The following PHF10 variants were observed in gnomAD, a reference collection of about 807,000 sequenced individuals.
PHF10 encodes BRG1-associated factor 45a.
In PHF10, 51 loss-of-function variants were observed where a neutral mutation model predicts 68.5. The ratio of observed to expected loss-of-function variants is 0.74; its 90% CI spans 0.59 to 0.94. The LOEUF is 0.94. PHF10 is among the 40% of genes least tolerant of loss of function. PHF10 has a pLI of 0.00. For missense variants in PHF10, 460 were observed against 602.6 expected (o/e 0.76, Z 2.48); for synonymous variants, 204 against 203.5 (o/e 1.00, Z -0.02).
intron 9 of PHF10, chr6:169,709,015 C>G (rs1788869237): frequency 6.6e-6 from 1 of 151,900 alleles, no homozygotes; most frequent in Non-Finnish European, 1.5e-5. Context: ...CTATTGCAGC[C>G]ACCCTTGGAA....
At chr6:169,713,492 C>T (rs1047632237) in intron 7 of PHF10, among the ~76,000 whole-genome samples, 6 of 150,892 alleles carry the variant, frequency 4.0e-5, no homozygotes, top group African/African-American at 7.3e-5. Flanking sequence ...CCCAGCTACT[C>T]GGGAAGCTGA....
rs200996542 is a variant in PHF10 at position 169,718,934 on chromosome 6, CA to C, written c.195-17del. ...GTAACTAAAACTAAGTACAGAAATACATATTATGCATTAAATGTAGCTTTCA... is the reference window on the plus strand; with the variant it reads ...GTAACTAAAACTAAGTACAGAAATACTATTATGCATTAAATGTAGCTTTCA... On this transcript the variant is annotated splice_polypyrimidine_tract_variant and intron_variant, in intron 2 of 11. Transcript: ENST00000339209. 15,687 of 1,486,808 alleles carry C rather than the reference CA, an allele frequency of 0.011. 208 individuals carry two copies. Among genetic ancestry groups the C allele is most frequent in the South Asian group, 0.047 (4,005 of 85,746 alleles). The allele number at this position is 1,486,808 out of a possible 1,614,324, so 92.1% of individuals were successfully genotyped here.
rs1326244508 is a variant in PHF10 at position 169,712,497 on chromosome 6, G to T, written c.846C>A (p.Ala282=). ...DELRYLPLNT[A]LYEPPLDPEL... is the part of the protein sequence containing the mutation. The stretch of plus-strand genomic sequence containing the variant: ...CAGGATCCAGAGGGGGCTCATACAG[G>T]GCTGTGTTTAATGGCAGATACCGCA... Residue 282 remains alanine (A), a synonymous_variant, in exon 8 of 12, where the codon GCC becomes GCA. Coordinates refer to ENST00000339209, the MANE Select transcript of PHF10 (RefSeq NM_018288.4). The T allele has an allele frequency of 6.2e-7, 1 of 1,613,628 alleles. No homozygotes were observed. Among genetic ancestry groups the T allele is most frequent in the Non-Finnish European group, 8.5e-7 (1 of 1,179,712 alleles).
At chr6:169,705,375 T>C in intron 10 of PHF10, 54 bp from the exon 11 acceptor site, 1 of 1,264,830 alleles carries the variant, frequency 7.9e-7, no homozygotes, top group Non-Finnish European at 1.1e-6. Flanking sequence ...TAACTTAATA[T>C]GGCACATAAA....
rs1276505370 is a variant in PHF10, at chr6:169,723,884, G to T, written c.48C>A (p.Cys16Ter). The T allele has an allele frequency of 9.2e-7, 1 of 1,091,336 alleles. No homozygotes were observed. The allele number at this position is 1,091,336 out of a possible 1,614,324, so 67.6% of individuals were successfully genotyped here. A position where few individuals can be genotyped will look rare whatever the true frequency, so the allele number is the denominator to read the frequency against. ...CTCCGGGGGTGGCTGGGTCGCTGTC[G>T]CACGGCCGCGGGGACAGCGCAGCCC... ...GPGAALSPRP[C>*]DSDPATPGAQ... Residue 16 changes from cysteine (C) to a stop codon, truncating the protein, a stop_gained, in exon 1 of 12, where the codon TGC becomes TGA. Coordinates refer to ENST00000339209, the MANE Select transcript of PHF10 (RefSeq NM_018288.4). LOFTEE classifies it high-confidence loss of function.
Position 169,714,751 on chromosome 6 carries a change from A to T in PHF10, c.785T>A (p.Phe262Tyr). 1 of 1,558,104 alleles carries T rather than the reference A, an allele frequency of 6.4e-7. No individual in the cohort carries two copies. The highest frequency in any genetic ancestry group is 8.9e-7 in the Non-Finnish European group (1 of 1,128,932). The change falls in exon 7 of 12, where the codon TTC becomes TAC. Residue 262 changes from phenylalanine to tyrosine, a missense_variant. Physicochemically the swap from Phe to Tyr is conservative, Grantham distance 22. Transcript: ENST00000339209. Reference sequence around the variant, plus strand: ...TAAATACCTCTTATAATATTCCTGGAACTGTCCGGGGATGAGAGCCACTGG... The same window carrying T: ...TAAATACCTCTTATAATATTCCTGGTACTGTCCGGGGATGAGAGCCACTGG... ...SYPVALIPGQ[F>Y]QEYYKRYSPD...
At position 169,715,636 on chromosome 6, in the gene PHF10, G is replaced by A. The variant is rs930798031; in HGVS notation, c.693+72C>T. ...AGGTGGTACAAAAAATAACGATAAA[G>A]GGGGTGATGGGCACTCTGCAATAAC... On this transcript the variant is annotated intron_variant, in intron 6 of 11. Transcript: ENST00000339209. 1.8e-5 allele frequency: 22 copies of A among 1,218,938 alleles called. No homozygotes were observed. In the African/African-American group the frequency reaches 3.3e-4, roughly 18 times the overall value. 75.5% of individuals were successfully genotyped at this position (1,218,938 alleles called of 1,614,324 possible).
intron 9 of PHF10, among the ~76,000 whole-genome samples, chr6:169,706,666 A>G (rs938053792): frequency 6.6e-6 from 1 of 151,778 alleles, no homozygotes; most frequent in Non-Finnish European, 1.5e-5. Flanking sequence ...AACAGTGGTA[A>G]AAAAGGAAGA....
At chr6:169,714,544 C>T (rs1336816784) in intron 7 of PHF10, among the ~76,000 whole-genome samples, 189 bp downstream of exon 7, 1 of 152,144 alleles carries the variant, frequency 6.6e-6, no homozygotes, top group Admixed American at 6.5e-5. Flanking sequence ...TAGACTTCAC[C>T]AGCATATATT....
intron 6 of PHF10, among the ~76,000 whole-genome samples, chr6:169,715,313 G>T (rs1466526773): frequency 2.0e-5 from 3 of 152,144 alleles, no homozygotes; most frequent in Non-Finnish European, 4.4e-5. Flanking sequence ...GTATTATTAA[G>T]CACACCATTA....
At chr6:169,707,220 CA>C (rs1390422232) in intron 9 of PHF10, 3 of 152,182 alleles carry the variant, frequency 2.0e-5, no homozygotes, top group African/African-American at 7.2e-5. Context: ...CTCCCCCCAA[CA>C]AAAGGATAGT....
rs1283024935 is a variant in PHF10, at chr6:169,720,916, C to T, written c.194+89G>A. 9 of 666,826 alleles carry T rather than the reference C, an allele frequency of 1.3e-5. No individual in the cohort carries two copies. The East Asian group carries it at 1.9e-4, about 14-fold the overall frequency. 41.3% of individuals were successfully genotyped at this position (666,826 alleles called of 1,614,324 possible). A position where few individuals can be genotyped will look rare whatever the true frequency, so the allele number is the denominator to read the frequency against. ...AATATTCTACAATTTTTAATAATTG[C>T]CTTTGCCAGAGCTGGGGGAAAGGGA... On this transcript the variant is annotated intron_variant, in intron 2 of 11. Transcript: ENST00000339209.
chr6:169,705,883 A>G (rs1214450932), intron 9 of PHF10, among the ~76,000 whole-genome samples, 159 bp from the exon 10 acceptor site: 2 of 152,212 alleles, frequency 1.3e-5, no homozygotes, highest in African/African-American at 4.8e-5. Context: ...CTACAATGTA[A>G]GACTGCCTAC....
chr6:169,717,748 G>T, intron 4 of PHF10, 75 bp downstream of exon 4: 2 of 625,056 alleles, frequency 3.2e-6, no homozygotes, highest in Non-Finnish European at 5.7e-6. Flanking sequence ...AAATATTTTA[G>T]GAAATAAGAT....
intron 8 of PHF10, among the ~76,000 whole-genome samples, chr6:169,711,053 A>G (rs1397540717): frequency 6.6e-6 from 1 of 152,210 alleles, no homozygotes; most frequent in Non-Finnish European, 1.5e-5. Context: ...AAATTAAAAA[A>G]TTAGGTTATC....
chr6:169,704,036 C>A lies in PHF10; in HGVS notation c.1464G>T (p.Val488=). Reference sequence around the variant, plus strand: ...CTTTGCTGTTTTTCCCCCTTCTGCCCACTTTCCTGGGTGTTGGGGGGGCCC... The same window carrying A: ...CTTTGCTGTTTTTCCCCCTTCTGCCAACTTTCCTGGGTGTTGGGGGGGCCC... The part of the protein sequence containing the change: ...CQRAPPTPRK[V]GRRGKNSKEG The change falls in exon 12 of 12, where the codon GTG becomes GTT. Residue 488 remains valine, a synonymous_variant. Transcript: ENST00000339209. 6.2e-7 allele frequency: 1 copy of A among 1,600,082 alleles called. No individual in the cohort carries two copies. The highest frequency in any genetic ancestry group is 8.5e-7 in the Non-Finnish European group (1 of 1,175,738).
Position 169,724,380 on chromosome 6 carries a change from C to CTCGCT in PHF10, c.-450_-449insAGCGA, listed in dbSNP as rs1336569236. 9.8e-4 allele frequency among the ~76,000 whole-genome samples: 76 copies of CTCGCT among 77,162 alleles called. No individual in the cohort carries two copies. The East Asian group carries it at 0.021, about 22-fold the overall frequency. The allele number at this position is 77,162 out of a possible 152,430, so 50.6% of individuals were successfully genotyped here. A position where few individuals can be genotyped will look rare whatever the true frequency, so the allele number is the denominator to read the frequency against. ...CCGCTCGCTCGCCTCAGCCCCGCGG[C>CTCGCT]CGCCTCAGCCCCGCCGCTCGCCTCA... On this transcript the variant is annotated 5_prime_UTR_variant, in exon 1 of 12. Coordinates refer to ENST00000339209, the MANE Select transcript of PHF10 (RefSeq NM_018288.4).
intron 7 of PHF10, among the ~76,000 whole-genome samples, chr6:169,712,849 A>G (rs1022830614): frequency 4.6e-5 from 7 of 152,136 alleles, no homozygotes; most frequent in African/African-American, 1.7e-4. Context: ...GCCAGCTCAC[A>G]TCCACCTCGA....
chr6:169,710,265 C>A lies in PHF10; in HGVS notation c.1084G>T (p.Val362Leu). The change falls in exon 9 of 12, where the codon GTA becomes TTA. Residue 362 changes from valine (V) to leucine (L), a missense_variant. Around this residue, in one of 3 missense-constraint regions of PHF10, gnomAD observed 256 missense variants for 410.5 expected, o/e 0.62. Transcript: ENST00000339209. Reference sequence around the variant, plus strand: ...TACCCAGGAACTGACTTGGACAGTACAGAACGTTTGGGACCATCTTTTCTT... The same window carrying A: ...TACCCAGGAACTGACTTGGACAGTAAAGAACGTTTGGGACCATCTTTTCTT... Reference protein sequence around the residue: ...TPRKDGPKRSVLSKSVPGYKP... With the variant: ...TPRKDGPKRSLLSKSVPGYKP... 1 of 1,612,594 alleles carries A rather than the reference C, an allele frequency of 6.2e-7. No homozygotes were observed. Among genetic ancestry groups the A allele is most frequent in the Non-Finnish European group, 8.5e-7 (1 of 1,179,578 alleles).
Sources: allele counts gnomAD v4.1 joint callset (sites outside exome capture counted in the v4.1 genomes callset), GRCh38; gene constraint gnomAD v4.1.1; regional missense constraint gnomAD v4.1.1; transcripts MANE v1.5; gene names NCBI Gene and HGNC (gene_info 2026-07-23, HGNC 2026-07-21).